Variants in NGEF observed in about 807,000 individuals in gnomAD.
NGEF encodes the protein neuronal guanine nucleotide exchange factor.
Under a neutral mutation model 80.9 loss-of-function variants are expected in NGEF, and 31 were observed. The ratio of observed to expected loss-of-function variants is 0.38; its 90% CI spans 0.29 to 0.52. The LOEUF is 0.52. Ranked by LOEUF, NGEF falls within the 20% of genes least tolerant of loss-of-function variation. NGEF has a pLI of 0.84. For synonymous variants in NGEF, 371 were observed against 370.2 expected (o/e 1.00, Z -0.03); for missense variants, 709 against 926.2 (o/e 0.77, Z 3.04).
At chr2:232,955,184 A>G (rs1242830077) in intron 3 of NGEF, among the ~76,000 whole-genome samples, 1 of 152,216 alleles carries the variant, frequency 6.6e-6, no homozygotes, top group Non-Finnish European at 1.5e-5. Context: ...AATTGCAAGT[A>G]AAGTACAGTA....
At chr2:232,916,478 A>G (rs574987914) in intron 5 of NGEF, among the ~76,000 whole-genome samples, 1 of 152,332 alleles carries the variant, frequency 6.6e-6, no homozygotes, top group Non-Finnish European at 1.5e-5. Context: ...AAAAGAATTA[A>G]TATCCAGAAG....
chr2:232,998,896 A>G (rs1694911462), intron 1 of NGEF, among the ~76,000 whole-genome samples: 1 of 152,128 alleles, frequency 6.6e-6, no homozygotes, highest in Admixed American at 6.5e-5. Flanking sequence ...TATCTAGTTC[A>G]TGGTATGAGG....
At position 232,906,145 on chromosome 2, in the gene NGEF, C is replaced by G. The variant is rs865780341; in HGVS notation, c.829-11229G>C. On this transcript the variant is annotated intron_variant, in intron 5 of 14. Transcript: ENST00000264051. ...GGGGTCTCAGCCCCCCGCCCGGCCA[C>G]CCGCCCCGTCCGGGAGGGAGGTGGG... 1.6e-3 allele frequency among the ~76,000 whole-genome samples: 76 copies of G among 48,806 alleles called. 1 individual carries two copies. The highest frequency in any genetic ancestry group is 1.8e-3 in the African/African-American group (24 of 13,432). 32.0% of individuals were successfully genotyped at this position (48,806 alleles called of 152,430 possible).
At chr2:232,963,747 A>T (rs1215192892) in intron 3 of NGEF, among the ~76,000 whole-genome samples, 1 of 151,978 alleles carries the variant, frequency 6.6e-6, no homozygotes, top group African/African-American at 2.4e-5. Flanking sequence ...CTGGGAGGCA[A>T]GGTTGCAGTG....
At chr2:232,881,769 G>T (rs192015457) in intron 13 of NGEF, among the ~76,000 whole-genome samples, 27 of 152,260 alleles carry the variant, frequency 1.8e-4, no homozygotes, top group African/African-American at 6.5e-4. Flanking sequence ...TAGAGACGGG[G>T]TTTTGCTATG....
In NGEF at chr2:232,993,106, A is replaced by T. The variant is rs370104995; in HGVS notation, c.-74-18142T>A. Among the ~76,000 whole-genome samples, 228 of 100,390 alleles carry T rather than the reference A, an allele frequency of 2.3e-3. 2 individuals carry two copies. Among genetic ancestry groups the T allele is most frequent in the African/African-American group, 7.8e-3 (194 of 24,752 alleles). 65.9% of individuals were successfully genotyped at this position (100,390 alleles called of 152,430 possible). A position where few individuals can be genotyped will look rare whatever the true frequency, so the allele number is the denominator to read the frequency against. On this transcript the variant is annotated intron_variant, in intron 1 of 14. Transcript: ENST00000264051. ...GGGCAAATATATATATAAATAAATA[A>T]ATATATATATATAAATAAATATATA... is the stretch of plus-strand genomic sequence containing the variant.
At chr2:232,998,628 C>A (rs1340004321) in intron 1 of NGEF, among the ~76,000 whole-genome samples, 1 of 152,160 alleles carries the variant, frequency 6.6e-6, no homozygotes, top group Non-Finnish European at 1.5e-5. Context: ...ACAGGGGGCC[C>A]TGGGCAGTTT....
chr2:232,977,622 C>T (rs1342151129), intron 1 of NGEF, among the ~76,000 whole-genome samples: 1 of 152,080 alleles, frequency 6.6e-6, no homozygotes, highest in Non-Finnish European at 1.5e-5. Context: ...AGGCAGGGGT[C>T]CCGTGGGGTG....
rs377204293 is a variant in NGEF, at chr2:232,879,463, G to A, written c.*26C>T. On this transcript the variant is annotated 3_prime_UTR_variant, in exon 15 of 15. Coordinates refer to ENST00000264051, the MANE Select transcript of NGEF (RefSeq NM_019850.3). ...TCTGTCGGGGTCTCATGCAGGCCCT[G>A]CTCCCGCTGGCCCCCTGGGTGGGGG... The A allele has an allele frequency of 6.8e-7, 1 of 1,460,588 alleles. No individual in the cohort carries two copies. Among genetic ancestry groups the A allele is most frequent in the Non-Finnish European group, 9.4e-7 (1 of 1,065,958 alleles). 90.5% of individuals were successfully genotyped at this position (1,460,588 alleles called of 1,614,324 possible).
At chr2:232,987,868 C>T (rs1414948790) in intron 1 of NGEF, among the ~76,000 whole-genome samples, 1 of 152,068 alleles carries the variant, frequency 6.6e-6, no homozygotes, top group Non-Finnish European at 1.5e-5. Context: ...CCTAGAGTTC[C>T]CTGAGGGTCC....
intron 1 of NGEF, among the ~76,000 whole-genome samples, chr2:233,009,922 A>G (rs973864828): frequency 1.3e-5 from 2 of 151,834 alleles, no homozygotes; most frequent in African/African-American, 4.8e-5. Context: ...TTTGAATTGG[A>G]GTCTTCCTCT....
At chr2:233,009,399 G>T (rs193266295) in intron 1 of NGEF, among the ~76,000 whole-genome samples, 5 of 152,114 alleles carry the variant, frequency 3.3e-5, no homozygotes, top group African/African-American at 9.6e-5. Context: ...TTGCTATTTT[G>T]CCCAGGCTGG....
intron 2 of NGEF, among the ~76,000 whole-genome samples, chr2:232,970,533 A>G (rs949472795): frequency 7.9e-5 from 12 of 152,138 alleles, no homozygotes; most frequent in Non-Finnish European, 1.5e-4. Flanking sequence ...ATCCCTATGA[A>G]AATTATAATT....
intron 3 of NGEF, among the ~76,000 whole-genome samples, chr2:232,928,368 G>A (rs1217460617): frequency 6.6e-6 from 1 of 151,524 alleles, no homozygotes; most frequent in African/African-American, 2.4e-5. Context: ...CCCGGAGAGG[G>A]GCAGAGCTGC....
intron 5 of NGEF, among the ~76,000 whole-genome samples, chr2:232,906,772 G>A (rs879518726): frequency 4.0e-5 from 6 of 151,380 alleles, no homozygotes; most frequent in Non-Finnish European, 5.9e-5. Context: ...TTGAGAAATC[G>A]GATGGTTGCG....
chr2:232,901,395 T>C lies in NGEF; in HGVS notation c.829-6479A>G. The C allele has an allele frequency of 3.0e-6, 3 of 985,504 alleles. No individual in the cohort carries two copies. The South Asian group carries it at 1.4e-4, about 46-fold the overall frequency. 61.0% of individuals were successfully genotyped at this position (985,504 alleles called of 1,614,324 possible). ...TCTCCTTATGATCCAGGGTTCGCCGTGGACCTCTGGGCCGTGCATTCCAGC... is the reference window on the plus strand; with the variant it reads ...TCTCCTTATGATCCAGGGTTCGCCGCGGACCTCTGGGCCGTGCATTCCAGC... On this transcript the variant is annotated intron_variant, in intron 5 of 14. Transcript: ENST00000264051.
chr2:232,898,807 A>C (rs961109449), intron 5 of NGEF, among the ~76,000 whole-genome samples: 3 of 152,218 alleles, frequency 2.0e-5, no homozygotes, highest in African/African-American at 7.2e-5. Flanking sequence ...AGTGGAAGGA[A>C]GTGTGAGCCT....
chr2:232,883,361 C>T lies in NGEF; in HGVS notation c.1707G>A (p.Leu569=). 1 of 1,612,780 alleles carries T rather than the reference C, an allele frequency of 6.2e-7. No homozygotes were observed. The highest frequency in any genetic ancestry group is 8.5e-7 in the Non-Finnish European group (1 of 1,179,522). The change falls in exon 12 of 15, where the codon CTG becomes CTA. Residue 569 remains leucine (L), a synonymous_variant. Coordinates refer to ENST00000264051, the MANE Select transcript of NGEF (RefSeq NM_019850.3). ...TGGCCTCCCGGTCATCTGCGTTCTC[C>T]AGCAGCCGCAGGATGAACACGTTGG... is the stretch of plus-strand genomic sequence containing the variant. ...TLANVFILRL[L]ENADDREATY... is the part of the protein sequence containing the mutation.
intron 3 of NGEF, among the ~76,000 whole-genome samples, chr2:232,932,567 A>G (rs1693237996): frequency 6.6e-6 from 1 of 151,894 alleles, no homozygotes; most frequent in Non-Finnish European, 1.5e-5. Flanking sequence ...CCACTACCAC[A>G]TTTTTAGCAG....
Sources: gnomAD v4.1 joint callset for allele counts (sites outside exome capture counted in the v4.1 genomes callset) on GRCh38, gnomAD v4.1.1 for gene constraint, MANE v1.5 for transcripts, NCBI Gene and HGNC (gene_info 2026-07-23, HGNC 2026-07-21) for gene names.